BMPR1B: variants seen among roughly 807,000 people sequenced by gnomAD.
BMPR1B encodes bone morphogenetic protein receptor type-1B.
Under a neutral mutation model 59.1 loss-of-function variants are expected in BMPR1B, and 12 were observed. The observed-to-expected ratio is 0.20, with a 90% confidence interval of 0.13 to 0.33. The LOEUF (loss-of-function observed/expected upper bound fraction) is 0.33. Among genes scored for constraint, BMPR1B ranks in the 10% least tolerant of loss-of-function variants. The probability of loss-of-function intolerance (pLI) is 1.00; values close to 1 mark genes in which losing one functional copy is unlikely to be tolerated. For missense variants in BMPR1B, 550 were observed against 610.9 expected (o/e 0.90, Z 1.05); for synonymous variants, 237 against 207.3 (o/e 1.14, Z -1.23).
chr4:94,934,323 T>C (rs530869100), intron 2 of BMPR1B, among the ~76,000 whole-genome samples: 1 of 152,218 alleles, frequency 6.6e-6, no homozygotes, highest in African/African-American at 2.4e-5. Flanking sequence ...CATTTATTTT[T>C]CTCCTAATCA....
chr4:94,778,751 A>G (rs1722478277), intron 1 of BMPR1B, among the ~76,000 whole-genome samples: 1 of 152,100 alleles, frequency 6.6e-6, no homozygotes, highest in East Asian at 1.9e-4. Context: ...GTCATAACTG[A>G]TGTTTTCATG....
intron 2 of BMPR1B, among the ~76,000 whole-genome samples, chr4:94,969,963 T>G (rs1289736443): frequency 6.6e-6 from 1 of 152,240 alleles, no homozygotes; most frequent in Non-Finnish European, 1.5e-5. Context: ...AGGGTGATAC[T>G]TTAAAGAATT....
chr4:94,964,966 T>C (rs1203013986), intron 2 of BMPR1B, among the ~76,000 whole-genome samples: 5 of 152,004 alleles, frequency 3.3e-5, no homozygotes, highest in Non-Finnish European at 7.4e-5. Context: ...ATGCTGAATT[T>C]CTTTCAAGAC....
chr4:94,807,012 A>G (rs568996678), intron 1 of BMPR1B, among the ~76,000 whole-genome samples: 28 of 152,282 alleles, frequency 1.8e-4, no homozygotes, highest in Admixed American at 1.4e-3. Flanking sequence ...AAATAATTAT[A>G]TTTTATAATG....
intron 3 of BMPR1B, among the ~76,000 whole-genome samples, chr4:95,027,242 A>G (rs1578951858): frequency 6.6e-6 from 1 of 152,276 alleles, no homozygotes; most frequent in Non-Finnish European, 1.5e-5. Flanking sequence ...TTGTTTCCCA[A>G]TTAGCTTAAT....
At chr4:94,785,865 C>A (rs1415296051) in intron 1 of BMPR1B, among the ~76,000 whole-genome samples, 1 of 152,058 alleles carries the variant, frequency 6.6e-6, no homozygotes, top group Non-Finnish European at 1.5e-5. Flanking sequence ...AATATTGAAT[C>A]CTTAATTTTT....
intron 3 of BMPR1B, among the ~76,000 whole-genome samples, chr4:95,057,644 A>T (rs2149199046): frequency 6.6e-6 from 1 of 152,094 alleles, no homozygotes; most frequent in East Asian, 2.0e-4. Context: ...TTCTAGAAAA[A>T]CTGCACCTGC....
chr4:95,129,678 C>G (rs1733166768), intron 8 of BMPR1B, among the ~76,000 whole-genome samples, 184 bp from the exon 9 acceptor site: 1 of 152,006 alleles, frequency 6.6e-6, no homozygotes, highest in Non-Finnish European at 1.5e-5. Context: ...CACACTCAAT[C>G]TCAAATATGT....
intron 10 of BMPR1B, among the ~76,000 whole-genome samples, chr4:95,139,347 G>C (rs1221554061): frequency 6.6e-6 from 1 of 152,192 alleles, no homozygotes; most frequent in African/African-American, 2.4e-5. Context: ...CTCCCAGTTA[G>C]GCTACTCAGG....
intron 1 of BMPR1B, among the ~76,000 whole-genome samples, chr4:94,849,663 CA>C (rs1228184374): frequency 6.6e-6 from 1 of 151,716 alleles, no homozygotes; most frequent in African/African-American, 2.4e-5. Flanking sequence ...AAAACAGGGA[CA>C]GGGGGATGGG....
intron 10 of BMPR1B, among the ~76,000 whole-genome samples, chr4:95,140,011 C>T (rs947542185): frequency 2.0e-5 from 3 of 152,180 alleles, no homozygotes; most frequent in Admixed American, 6.5e-5. Context: ...TCTTCTGCGT[C>T]GCTCATGGTG....
chr4:94,900,355 T>C (rs1349423650), intron 2 of BMPR1B, among the ~76,000 whole-genome samples: 1 of 136,870 alleles, frequency 7.3e-6, no homozygotes, highest in Non-Finnish European at 1.6e-5. Context: ...AAAAAAAAAA[T>C]AGCCTAACAG....
intron 1 of BMPR1B, among the ~76,000 whole-genome samples, chr4:94,865,715 T>G (rs1209251519): frequency 2.0e-5 from 3 of 152,196 alleles, no homozygotes; most frequent in Non-Finnish European, 2.9e-5. Flanking sequence ...TAAAAATCCT[T>G]CAATGGTTCC....
At chr4:94,910,536 G>A (rs182309111) in intron 2 of BMPR1B, among the ~76,000 whole-genome samples, 169 of 152,138 alleles carry the variant, frequency 1.1e-3, no homozygotes, top group African/African-American at 3.8e-3. Flanking sequence ...AAGTTTGGAT[G>A]TTCAGTATAA....
At chr4:95,005,074 T>C (rs371811989) in intron 3 of BMPR1B, among the ~76,000 whole-genome samples, 51 of 152,284 alleles carry the variant, frequency 3.3e-4, no homozygotes, top group African/African-American at 1.1e-3. Context: ...GTTTAAAATA[T>C]GTCTCCTGAA....
rs1244560051 is a variant in BMPR1B at position 94,878,905 on chromosome 4, T to C, written c.-113+3005T>C. Among the ~76,000 whole-genome samples the C allele has an allele frequency of 2.6e-5, 4 of 152,180 alleles. No homozygotes were observed. The East Asian group carries it at 7.7e-4, about 29-fold the overall frequency. ...TGATCAGCTCTTTGACTCATTTATA[T>C]CAAATATTTCTACCATTTATTTACC... On this transcript the variant is annotated intron_variant, in intron 2 of 12. Transcript: ENST00000515059.
rs1731055583 is a variant in BMPR1B, at chr4:95,104,453, A to G, written c.29A>G (p.Asn10Ser). 2 of 1,613,296 alleles carry G rather than the reference A, an allele frequency of 1.2e-6. No homozygotes were observed. The highest frequency in any genetic ancestry group is 1.7e-6 in the Non-Finnish European group (2 of 1,179,604). Residue 10 changes from asparagine (N) to serine (S), a missense_variant, in exon 4 of 13, where the codon AAT becomes AGT. Asn to Ser is a conservative substitution (Grantham distance 46, BLOSUM62 1). This residue lies in a region of BMPR1B where 43 missense variants were observed against 35.4 expected (regional missense o/e 1.22). Transcript: ENST00000515059. MLLRSAGKL[N>S]VGTKKEDGES... ...CTTTTGCGAAGTGCAGGAAAATTAA[A>G]TGTGGGCACCAAGAAAGAGGATGGT...
rs533016171 is a variant in BMPR1B at position 95,156,362 on chromosome 4, G to A, written c.*1689G>A. The A allele has an allele frequency of 2.0e-5, 3 of 151,246 alleles. No individual in the cohort carries two copies. Among genetic ancestry groups the A allele is most frequent in the South Asian group, 2.1e-4 (1 of 4,790 alleles). 9.4% of individuals were successfully genotyped at this position (151,246 alleles called of 1,614,324 possible). A position where few individuals can be genotyped will look rare whatever the true frequency, so the allele number is the denominator to read the frequency against. On this transcript the variant is annotated 3_prime_UTR_variant, in exon 13 of 13. Coordinates refer to ENST00000515059, the MANE Select transcript of BMPR1B (RefSeq NM_001203.3). The stretch of plus-strand genomic sequence containing the variant: ...ACATTCCTCCCAGAATACTCCAGGG[G>A]GCAGTGTTTTATAACACATTTTCCC...
At chr4:95,051,229 C>A (rs1457469117) in intron 3 of BMPR1B, among the ~76,000 whole-genome samples, 1 of 152,156 alleles carries the variant, frequency 6.6e-6, no homozygotes, top group African/African-American at 2.4e-5. Flanking sequence ...AACATTATTT[C>A]TTGTTTTCTT....
Sources: gnomAD v4.1 joint callset for allele counts (sites outside exome capture counted in the v4.1 genomes callset) on GRCh38, gnomAD v4.1.1 for gene constraint, gnomAD v4.1.1 regional missense constraint, MANE v1.5 for transcripts, NCBI Gene and HGNC (gene_info 2026-07-23, HGNC 2026-07-21) for gene names.